Variants in ZNF730 observed in about 807,000 individuals in gnomAD.
ZNF730 encodes the protein putative zinc finger protein 730.
Under a neutral mutation model 12.6 loss-of-function variants are expected in ZNF730, and 12 were observed. That is an observed-to-expected ratio of 0.95 (90% CI 0.61 to 1.54). ZNF730 has a LOEUF of 1.54. Among genes scored for constraint, ZNF730 ranks in the 40% most tolerant of loss-of-function variants. ZNF730 has a pLI of 0.00. For missense variants in ZNF730, 643 were observed against 583.5 expected (o/e 1.10, Z -1.05); for synonymous variants, 194 against 195.8 (o/e 0.99, Z 0.08).
chr19:23,123,081 A>G (rs1286147965), intron 1 of ZNF730: 1 of 152,244 alleles, frequency 6.6e-6, no homozygotes, highest in Non-Finnish European at 1.5e-5. Flanking sequence ...ACAAATAAAC[A>G]TAATGGGCTA....
intron 1 of ZNF730, among the ~76,000 whole-genome samples, chr19:23,096,757 C>G (rs542732357): frequency 6.6e-6 from 1 of 152,278 alleles, no homozygotes; most frequent in South Asian, 2.1e-4. Flanking sequence ...TGACTCTGCT[C>G]TATGGATTGG....
upstream of ZNF730, among the ~76,000 whole-genome samples, chr19:23,115,555 T>G (rs1448782925): frequency 6.6e-6 from 1 of 152,204 alleles, no homozygotes; most frequent in African/African-American, 2.4e-5. Context: ...CAAATGGTCT[T>G]GAATGCTTCT....
At position 23,145,645 on chromosome 19, in the gene ZNF730, T is replaced by A; in HGVS notation, c.601T>A (p.Tyr201Asn). 1 of 1,553,746 alleles carries A rather than the reference T, an allele frequency of 6.4e-7. No homozygotes were observed. ...HKKIHTGEKS[Y>N]KCEEYGKAFN... Reference sequence around the variant, plus strand: ...AAAAATTCATACTGGAGAGAAATCCTACAAATGTGAAGAATATGGCAAAGC... The same window carrying A: ...AAAAATTCATACTGGAGAGAAATCCAACAAATGTGAAGAATATGGCAAAGC... Residue 201 changes from tyrosine (Y) to asparagine (N), a missense_variant, in exon 4 of 4, where the codon TAC (tyrosine) becomes AAC (asparagine). Tyr to Asn is a moderately radical substitution (Grantham distance 143). Transcript: ENST00000597761.
chr19:23,127,122 C>T (rs1970680991), intron 1 of ZNF730: 2 of 509,586 alleles, frequency 3.9e-6, no homozygotes, highest in South Asian at 3.2e-5. Flanking sequence ...CAGATGCATC[C>T]TTATCTCGGT....
At chr19:23,090,693 G>A (rs946640679) in intron 1 of ZNF730, among the ~76,000 whole-genome samples, 1 of 151,930 alleles carries the variant, frequency 6.6e-6, no homozygotes, top group South Asian at 2.1e-4. Context: ...AGGCCCAGAG[G>A]CCCAGGAAGA....
chr19:23,085,128 T>G (rs1970035535), intron 1 of ZNF730, among the ~76,000 whole-genome samples: 1 of 152,196 alleles, frequency 6.6e-6, no homozygotes, highest in Non-Finnish European at 1.5e-5. Flanking sequence ...GCATCTGTTA[T>G]TATTTTGCTT....
At chr19:23,105,118 C>CTTTT (rs1007819236) in intron 1 of ZNF730, among the ~76,000 whole-genome samples, 11 of 87,736 alleles carry the variant, frequency 1.3e-4, no homozygotes, top group African/African-American at 3.4e-4. Context: ...TTTTTCTTTT[C>CTTTT]TTTTTTTTTT....
At chr19:23,133,534 A>T (rs1970774162) in intron 1 of ZNF730, among the ~76,000 whole-genome samples, 1 of 151,900 alleles carries the variant, frequency 6.6e-6, no homozygotes, top group African/African-American at 2.4e-5. Context: ...TAGAGATGGG[A>T]TTTCTCTGTG....
intron 1 of ZNF730, among the ~76,000 whole-genome samples, chr19:23,100,615 A>G (rs1409491621): frequency 1.4e-5 from 2 of 145,978 alleles, no homozygotes; most frequent in African/African-American, 5.2e-5. Flanking sequence ...TCTAGCCACA[A>G]TTTGGATGGT....
chr19:23,133,481 T>C (rs79924733), intron 1 of ZNF730, among the ~76,000 whole-genome samples: 1 of 152,226 alleles, frequency 6.6e-6, no homozygotes, highest in Admixed American at 6.5e-5. Flanking sequence ...TAGCTGGAAT[T>C]ACAGGCATGC....
intron 1 of ZNF730, among the ~76,000 whole-genome samples, chr19:23,099,212 G>A (rs889257358): frequency 6.6e-6 from 1 of 152,230 alleles, no homozygotes; most frequent in African/African-American, 2.4e-5. Context: ...CTAAACCCAG[G>A]TCATAGGCAG....
At chr19:23,124,353 C>G (rs1037995) in intron 1 of ZNF730, among the ~76,000 whole-genome samples, 45,914 of 152,196 alleles carry the variant, frequency 0.3, 7,826 homozygotes, top group African/African-American at 0.47. Context: ...TATCCAGAGC[C>G]ATAACCACAA....
chr19:23,134,688 G>T (rs1397820437), intron 2 of ZNF730, among the ~76,000 whole-genome samples: 2 of 144,158 alleles, frequency 1.4e-5, no homozygotes, highest in African/African-American at 5.1e-5. Context: ...GAAGTGAGGA[G>T]CCCCTCTGCC....
chr19:23,112,931 T>C (rs1970475447), upstream of ZNF730, among the ~76,000 whole-genome samples: 1 of 152,236 alleles, frequency 6.6e-6, no homozygotes, highest in Non-Finnish European at 1.5e-5. Context: ...ATAGGTCTTT[T>C]TTCCCCCTGG....
chr19:23,127,657 T>TAG, intron 1 of ZNF730: 1 of 1,177,088 alleles, frequency 8.5e-7, no homozygotes, highest in Non-Finnish European at 1.3e-6. Context: ...TGGTGAATTT[T>TAG]ACTTTATTCC....
At chr19:23,127,752 C>A in intron 1 of ZNF730, 1 of 1,008,404 alleles carries the variant, frequency 9.9e-7, no homozygotes, top group South Asian at 1.3e-5. Context: ...CCACAGTTCT[C>A]TTCCTGAGAG....
At chr19:23,116,289 G>T, upstream of ZNF730, among the ~76,000 whole-genome samples, 1 of 120,756 alleles carries the variant, frequency 8.3e-6, no homozygotes, top group East Asian at 2.4e-4. Flanking sequence ...TCTACCTGTG[G>T]TTATTCTGCT....
At chr19:23,138,003 G>GGTACCAGAAAGGATTTC (rs1599599799) in intron 3 of ZNF730, among the ~76,000 whole-genome samples, 3 of 74,748 alleles carry the variant, frequency 4.0e-5, no homozygotes, top group African/African-American at 1.0e-4. Context: ...GGCTTTCACG[G>GGTACCAGAAAGGATTTC]CCGGGCGCGG....
At chr19:23,145,192 T>C (rs1486211323) in intron 3 of ZNF730, 79 bp from the exon 4 acceptor site, 1 of 988,808 alleles carries the variant, frequency 1.0e-6, no homozygotes, top group African/African-American at 1.7e-5. Flanking sequence ...TTATGTAGTT[T>C]GTATAACTTT....
Sources: gnomAD v4.1 joint callset for allele counts (sites outside exome capture counted in the v4.1 genomes callset) on GRCh38, gnomAD v4.1.1 for gene constraint, MANE v1.5 for transcripts, NCBI Gene and HGNC (gene_info 2026-07-23, HGNC 2026-07-21) for gene names.